The following NUP98 variants were observed in gnomAD, a reference collection of about 807,000 sequenced individuals.
The protein encoded by NUP98 is nucleoporin 98 and 96 precursor.
In NUP98, 26 loss-of-function variants were observed where a neutral mutation model predicts 191.9. That is an observed-to-expected ratio of 0.14 (90% CI 0.10 to 0.19). The LOEUF is 0.19. NUP98 is among the 10% of genes least tolerant of loss of function. NUP98 has a pLI of 1.00. For missense variants in NUP98, 1,941 were observed against 2,178.8 expected, an observed-to-expected ratio of 0.89 and a Z score of 2.17; for synonymous variants, 808 against 778.4, an observed-to-expected ratio of 1.04 and a Z score of -0.63.
At chr11:3,778,548 TTG>T (rs2081836313) in intron 4 of NUP98, among the ~76,000 whole-genome samples, 1 of 152,230 alleles carries the variant, frequency 6.6e-6, no homozygotes, top group African/African-American at 2.4e-5. Flanking sequence ...ACACTCCTCC[TTG>T]AAATTCTCCC....
At position 3,782,862 on chromosome 11, in the gene NUP98, C is replaced by T. The variant is rs997254075; in HGVS notation, c.-28-717G>A. ...CGCAAACCACCGCACCCGGCCAAGG[C>T]TTTATTTTCCATAGTTTGCATTATA... On this transcript the variant is annotated intron_variant, in intron 1 of 32. Coordinates refer to ENST00000324932, the MANE Select transcript of NUP98 (RefSeq NM_016320.5). Among the ~76,000 whole-genome samples, 3 of 152,210 alleles carry T rather than the reference C, an allele frequency of 2.0e-5. No homozygotes were observed. The East Asian group carries it at 5.8e-4, about 29-fold the overall frequency.
At position 3,684,766 on chromosome 11, in the gene NUP98, C is replaced by CAAAAAAAAAAAAAAAAAAAAAAAA. The variant is rs71041370; in HGVS notation, c.4676+1183_4676+1206dup. On this transcript the variant is annotated intron_variant, in intron 29 of 32. Coordinates refer to ENST00000324932, the MANE Select transcript of NUP98 (RefSeq NM_016320.5). ...AAACTAATGTTATGCTTTCACAGGC[C>CAAAAAAAAAAAAAAAAAAAAAAAA]AAAAAAAAAAAAAAAAAAAAAAAAA... Among the ~76,000 whole-genome samples, 3 of 101,802 alleles carry CAAAAAAAAAAAAAAAAAAAAAAAA rather than the reference C, an allele frequency of 2.9e-5. 1 individual carries two copies. Among genetic ancestry groups the CAAAAAAAAAAAAAAAAAAAAAAAA allele is most frequent in the African/African-American group, 1.2e-4 (3 of 25,876 alleles). The allele number at this position is 101,802 out of a possible 152,430, so 66.8% of individuals were successfully genotyped here. A position where few individuals can be genotyped will look rare whatever the true frequency, so the allele number is the denominator to read the frequency against.
intron 1 of NUP98, among the ~76,000 whole-genome samples, chr11:3,788,264 T>C (rs961213262): frequency 6.6e-6 from 1 of 152,198 alleles, no homozygotes; most frequent in Non-Finnish European, 1.5e-5. Context: ...CTAATCATTT[T>C]AGAGTGAAGA....
chr11:3,706,600 C>G lies in NUP98; in HGVS notation c.2770G>C (p.Gly924Arg). The change falls in exon 21 of 33, where the codon GGG becomes CGG. Residue 924 changes from glycine (G) to arginine (R), a missense_variant. Gly to Arg is a moderately radical substitution (Grantham distance 125). Transcript: ENST00000324932. ...TCACTGTCCAGTTCCACAACCCTCCCTAACTGCTCCACCTCTGGGCTCTGG... is the reference window on the plus strand; with the variant it reads ...TCACTGTCCAGTTCCACAACCCTCCGTAACTGCTCCACCTCTGGGCTCTGG... The part of the protein sequence containing the change: ...QSQSPEVEQL[G>R]RVVELDSDMV... 1 of 1,613,972 alleles carries G rather than the reference C, an allele frequency of 6.2e-7. No homozygotes were observed. The highest frequency in any genetic ancestry group is 1.1e-5 in the South Asian group (1 of 91,058).
Position 3,675,285 on chromosome 11 carries a change from ATGG to A in NUP98, c.*871_*873del, listed in dbSNP as rs1325036572. 1 of 217,732 alleles carries A rather than the reference ATGG, an allele frequency of 4.6e-6. No individual in the cohort carries two copies. The allele number at this position is 217,732 out of a possible 1,614,324, so 13.5% of individuals were successfully genotyped here. ...GCCCAACTCCATGCCTGCCTCAGTCATGGTTTGTTTTTGCTTCTGGAAGGGGTA... is the reference window on the plus strand; with the variant it reads ...GCCCAACTCCATGCCTGCCTCAGTCATTTGTTTTTGCTTCTGGAAGGGGTA... On this transcript the variant is annotated 3_prime_UTR_variant, in exon 33 of 33. Transcript: ENST00000324932.
At chr11:3,736,046 G>A (rs906322024) in intron 12 of NUP98, among the ~76,000 whole-genome samples, 2 of 145,666 alleles carry the variant, frequency 1.4e-5, no homozygotes, top group Non-Finnish European at 3.0e-5. Context: ...GGACTACAGG[G>A]GTGAGTCACC....
At chr11:3,748,332 G>A (rs937808304) in intron 11 of NUP98, among the ~76,000 whole-genome samples, 1 of 152,168 alleles carries the variant, frequency 6.6e-6, no homozygotes, top group African/African-American at 2.4e-5. Context: ...TTGGAAGGCC[G>A]AGGCAGGAGG....
intron 1 of NUP98, among the ~76,000 whole-genome samples, chr11:3,791,036 C>G (rs1012449264): frequency 6.6e-6 from 1 of 151,896 alleles, no homozygotes. Flanking sequence ...ACTGGGATTA[C>G]AGGCGCCCGC....
chr11:3,767,838 C>A (rs1279751411), intron 8 of NUP98, among the ~76,000 whole-genome samples: 1 of 151,178 alleles, frequency 6.6e-6, no homozygotes, highest in Non-Finnish European at 1.5e-5. Flanking sequence ...AACAAAAAAA[C>A]TTCTTTGTAT....
intron 21 of NUP98, among the ~76,000 whole-genome samples, chr11:3,705,565 C>T (rs903324322): frequency 9.9e-5 from 15 of 152,174 alleles, no homozygotes; most frequent in Admixed American, 3.3e-4. Context: ...GTATCTATAG[C>T]GTCTCACCAG....
rs1382520764 is a variant in NUP98 at position 3,702,326 on chromosome 11, CT to C, written c.3512+136del. ...ACACACACACACACTCTCTCTCTCT[CT>C]CTCTCTCTCTCTCTCTCTCTCTCTC... On this transcript the variant is annotated intron_variant, in intron 23 of 32. Transcript: ENST00000324932. The C allele has an allele frequency of 7.5e-4, 157 of 210,106 alleles. 7 individuals carry two copies. Among genetic ancestry groups the C allele is most frequent in the Admixed American group, 1.1e-3 (20 of 17,716 alleles). The allele number at this position is 210,106 out of a possible 1,614,324, so 13.0% of individuals were successfully genotyped here. A position where few individuals can be genotyped will look rare whatever the true frequency, so the allele number is the denominator to read the frequency against.
At chr11:3,704,930 G>A (rs1041160118) in intron 22 of NUP98, among the ~76,000 whole-genome samples, 9 of 152,214 alleles carry the variant, frequency 5.9e-5, no homozygotes, top group African/African-American at 1.7e-4. Flanking sequence ...GACTGCTTGA[G>A]CCCAAGAGTT....
chr11:3,740,336 C>T lies in NUP98; in HGVS notation c.1408+4173G>A, dbSNP rs117487207. Among the ~76,000 whole-genome samples the T allele has an allele frequency of 9.5e-4, 144 of 152,076 alleles. 1 individual carries two copies. The East Asian group carries it at 0.025, about 27-fold the overall frequency. ...GACCAGCCTAGCCAATATGGTGAAA[C>T]CCAATACCTACTAAAAATACAAAAA... On this transcript the variant is annotated intron_variant, in intron 12 of 32. Transcript: ENST00000324932.
chr11:3,750,314 T>A (rs2080698258), intron 11 of NUP98, among the ~76,000 whole-genome samples: 1 of 151,334 alleles, frequency 6.6e-6, no homozygotes, highest in Non-Finnish European at 1.5e-5. Flanking sequence ...ACAGAGAGGG[T>A]CTCCCTACAT....
chr11:3,771,738 A>T lies in NUP98; in HGVS notation c.784+10T>A, dbSNP rs758554258. On this transcript the variant is annotated intron_variant, in intron 7 of 32. Transcript: ENST00000324932. ...CCTCAGTATAATCTAACATGATATC[A>T]AGTGCTTACTAGTTCCAAAGGCAGT... The T allele has an allele frequency of 6.2e-7, 1 of 1,612,024 alleles. No individual in the cohort carries two copies.
intron 15 of NUP98, among the ~76,000 whole-genome samples, chr11:3,723,903 T>C (rs895704965): frequency 6.6e-6 from 1 of 151,662 alleles, no homozygotes; most frequent in Non-Finnish European, 1.5e-5. Flanking sequence ...TAAGGATTTT[T>C]ACTGAAGCAC....
In NUP98 at chr11:3,719,467, C is replaced by T. The variant is rs1272281784; in HGVS notation, c.2344G>A (p.Val782Ile). 1 of 1,600,884 alleles carries T rather than the reference C, an allele frequency of 6.2e-7. No homozygotes were observed. Among genetic ancestry groups the T allele is most frequent in the South Asian group, 1.1e-5 (1 of 88,338 alleles). ...TGGTTATCATCTAAGTAGACAACTA[C>T]TTCTTTCCTCCGGATATGCACAATA... ...DDIVHIRRKE[V>I]VVYLDDNQKP... Residue 782 changes from valine (V) to isoleucine (I), a missense_variant, in exon 18 of 33, where the codon GTA becomes ATA. Around this residue, in one of 6 missense-constraint regions of NUP98, gnomAD observed 95 missense variants for 139.7 expected, o/e 0.68. Coordinates refer to ENST00000324932, the MANE Select transcript of NUP98 (RefSeq NM_016320.5).
At chr11:3,793,188 C>T (rs1462944587) in intron 1 of NUP98, among the ~76,000 whole-genome samples, 2 of 152,206 alleles carry the variant, frequency 1.3e-5, no homozygotes, top group African/African-American at 4.8e-5. Flanking sequence ...CATTAAAATA[C>T]TCCTCTCTTT....
Position 3,713,851 on chromosome 11 carries a change from T to C in NUP98, c.2544A>G (p.Glu848=), listed in dbSNP as rs751096208. ...CCCAAGAACCAGTTTCAGGCCGGTATTCTTTGAATTGAGCTCCCTGTTTCC... is the reference window on the plus strand; with the variant it reads ...CCCAAGAACCAGTTTCAGGCCGGTACTCTTTGAATTGAGCTCCCTGTTTCC... ...VSRKQGAQFK[E]YRPETGSWVF... Residue 848 remains glutamate (E), a synonymous_variant, in exon 19 of 33, where the codon GAA becomes GAG. Transcript: ENST00000324932. The C allele has an allele frequency of 6.2e-6, 10 of 1,614,006 alleles. No homozygotes were observed. Among genetic ancestry groups the C allele is most frequent in the Non-Finnish European group, 8.5e-6 (10 of 1,180,000 alleles).
Sources: allele counts gnomAD v4.1 joint callset (sites outside exome capture counted in the v4.1 genomes callset), GRCh38; gene constraint gnomAD v4.1.1; regional missense constraint gnomAD v4.1.1; transcripts MANE v1.5; gene names NCBI Gene and HGNC (gene_info 2026-07-23, HGNC 2026-07-21).